Variants in JMJD1C observed in about 807,000 individuals in gnomAD.
The protein encoded by JMJD1C is jumonji domain containing 1C, also known as jumonji domain-containing protein 1C.
Under a neutral mutation model 245.3 loss-of-function variants are expected in JMJD1C, and 31 were observed. The observed-to-expected ratio is 0.13, with a 90% CI of 0.09 to 0.17. JMJD1C has a LOEUF of 0.17. Among genes scored for constraint, JMJD1C ranks in the 10% least tolerant of loss-of-function variants. The pLI is 1.00. For missense variants in JMJD1C, 2,691 were observed against 3,000.2 expected (o/e 0.90, Z 2.41); for synonymous variants, 1,057 against 1,017.4 (o/e 1.04, Z -0.74).
chr10:63,194,898 T>C (rs1023521698), intron 13 of JMJD1C, among the ~76,000 whole-genome samples: 1 of 152,224 alleles, frequency 6.6e-6, no homozygotes, highest in South Asian at 2.1e-4. Flanking sequence ...TCCCTGAAGT[T>C]GTAAAGAATT....
rs192434728 is a variant in JMJD1C, at chr10:63,371,518, T to C, written c.333+8800A>G. Among the ~76,000 whole-genome samples the C allele has an allele frequency of 2.0e-4, 31 of 152,302 alleles. No individual in the cohort carries two copies. In the East Asian group the frequency reaches 5.6e-3, roughly 27 times the overall value. ...TCTTCTAATAACATTAAACCTTTCA[T>C]TTTTTTAATCTGCAGCTCCCACCAC... On this transcript the variant is annotated intron_variant, in intron 2 of 25. Coordinates refer to ENST00000399262, the MANE Select transcript of JMJD1C (RefSeq NM_032776.3).
At chr10:63,320,890 G>C (rs553572705) in intron 2 of JMJD1C, among the ~76,000 whole-genome samples, 2 of 152,192 alleles carry the variant, frequency 1.3e-5, no homozygotes, top group South Asian at 4.1e-4. Flanking sequence ...TGTTACCAAG[G>C]GAACCAACCA....
chr10:63,185,904 C>G (rs1305120211), intron 19 of JMJD1C, among the ~76,000 whole-genome samples: 1 of 152,164 alleles, frequency 6.6e-6, no homozygotes, highest in East Asian at 1.9e-4. Flanking sequence ...ATCTTGGTAA[C>G]ATCACAATCT....
chr10:63,322,947 C>A (rs1941080081), intron 2 of JMJD1C, among the ~76,000 whole-genome samples: 1 of 149,800 alleles, frequency 6.7e-6, no homozygotes, highest in Non-Finnish European at 1.5e-5. Context: ...CGTATCTAGT[C>A]ATAAATACAG....
At chr10:63,220,312 CA>C (rs1848450984) in intron 3 of JMJD1C, among the ~76,000 whole-genome samples, 1 of 152,134 alleles carries the variant, frequency 6.6e-6, no homozygotes, top group Admixed American at 6.6e-5. Flanking sequence ...GAAATAACAT[CA>C]GGTCATTTAA....
intron 2 of JMJD1C, among the ~76,000 whole-genome samples, chr10:63,273,293 G>A (rs918902239): frequency 2.6e-5 from 4 of 152,194 alleles, no homozygotes; most frequent in African/African-American, 9.7e-5. Context: ...CTGGGCTCAA[G>A]CCATCCTCCT....
At position 63,330,546 on chromosome 10, in the gene JMJD1C, G is replaced by T. The variant is rs1942033384; in HGVS notation, c.333+49772C>A. ...ATGGCAAAAAAGGGAGAGAATCAAA[G>T]ACAGTAAGAATATATCTACACTTTC... On this transcript the variant is annotated intron_variant, in intron 2 of 25. Coordinates refer to ENST00000399262, the MANE Select transcript of JMJD1C (RefSeq NM_032776.3). Among the ~76,000 whole-genome samples the T allele has an allele frequency of 6.6e-5, 10 of 152,028 alleles. No individual in the cohort carries two copies. In the South Asian group the frequency reaches 2.1e-3, roughly 32 times the overall value.
intron 2 of JMJD1C, among the ~76,000 whole-genome samples, chr10:63,378,885 A>C (rs886722210): frequency 2.6e-5 from 4 of 152,272 alleles, no homozygotes; most frequent in African/African-American, 9.6e-5. Context: ...TTTAAAACCT[A>C]CTATGGATAA....
At chr10:63,379,577 T>C (rs1288114128) in intron 2 of JMJD1C, among the ~76,000 whole-genome samples, 2 of 152,306 alleles carry the variant, frequency 1.3e-5, no homozygotes, top group South Asian at 2.1e-4. Flanking sequence ...TCACCCACAA[T>C]GATTTACTGA....
At chr10:63,496,965 C>A (rs1589829449) in intron 1 of JMJD1C, among the ~76,000 whole-genome samples, 1 of 152,172 alleles carries the variant, frequency 6.6e-6, no homozygotes, top group Non-Finnish European at 1.5e-5. Context: ...TAAGACAGAG[C>A]CCCAGCCAAT....
At chr10:63,209,702 G>A (rs1847094805) in intron 8 of JMJD1C, among the ~76,000 whole-genome samples, 1 of 152,096 alleles carries the variant, frequency 6.6e-6, no homozygotes, top group African/African-American at 2.4e-5. Context: ...ACAATTTACT[G>A]ACAATTGGCA....
At chr10:63,277,903 A>G (rs1451775019) in intron 2 of JMJD1C, among the ~76,000 whole-genome samples, 2 of 151,386 alleles carry the variant, frequency 1.3e-5, no homozygotes, top group African/African-American at 4.9e-5. Flanking sequence ...CGCCTGTCTA[A>G]CTTTTCTATT....
At chr10:63,481,862 A>T (rs1161692761) in intron 1 of JMJD1C, among the ~76,000 whole-genome samples, 4 of 152,202 alleles carry the variant, frequency 2.6e-5, no homozygotes, top group Non-Finnish European at 5.9e-5. Context: ...CGGCAGAGAA[A>T]GAACTGTAGG....
chr10:63,387,628 A>ATTT (rs1564863555), intron 1 of JMJD1C, among the ~76,000 whole-genome samples: 15 of 18,590 alleles, frequency 8.1e-4, no homozygotes, highest in African/African-American at 1.5e-3. Context: ...AGAAAAAAAA[A>ATTT]ATTTTTTTTT....
intron 10 of JMJD1C, chr10:63,203,332 C>A: frequency 1.0e-6 from 1 of 984,012 alleles, no homozygotes; most frequent in Non-Finnish European, 1.2e-6. Flanking sequence ...CAAAAAAATA[C>A]CTAACTCAAT....
At chr10:63,205,429 T>C (rs2133127452) in intron 10 of JMJD1C, among the ~76,000 whole-genome samples, 1 of 152,220 alleles carries the variant, frequency 6.6e-6, no homozygotes, top group South Asian at 2.1e-4. Flanking sequence ...GGATCAAAAA[T>C]ACTTGGGGGA....
Position 63,213,509 on chromosome 10 carries a change from T to G in JMJD1C, c.2658A>C (p.Pro886=), listed in dbSNP as rs1456908973. The stretch of plus-strand genomic sequence containing the variant: ...AAGCTTCAGCATTAACTGCATTTTC[T>G]GGGTGAACCCACTTAGAAGAAGGCA... The part of the protein sequence containing the change: ...LGLPSSKWVH[P]ENAVNAEASL... Residue 886 remains proline, a synonymous_variant, in exon 8 of 26, where the codon CCA becomes CCC. Transcript: ENST00000399262. 3.1e-6 allele frequency: 5 copies of G among 1,604,522 alleles called. No individual in the cohort carries two copies.
At chr10:63,517,646 T>A (rs2133305318) in intron 1 of JMJD1C, among the ~76,000 whole-genome samples, 1 of 152,296 alleles carries the variant, frequency 6.6e-6, no homozygotes, top group East Asian at 1.9e-4. Context: ...AAAGAAATCA[T>A]ATCTTCTATA....
In JMJD1C at chr10:63,228,064, C is replaced by A. The variant is rs571008211; in HGVS notation, c.448-8081G>T. ...TGCAGTTAACTAAATGAAGGTACCG[C>A]TGAAGGCTTCCATGTATTTTCATGA... On this transcript the variant is annotated intron_variant, in intron 3 of 25. Coordinates refer to ENST00000399262, the MANE Select transcript of JMJD1C (RefSeq NM_032776.3). Among the ~76,000 whole-genome samples, 3 of 152,260 alleles carry A rather than the reference C, an allele frequency of 2.0e-5. No individual in the cohort carries two copies. In the South Asian group the frequency reaches 6.2e-4, roughly 32 times the overall value.
Sources: allele counts gnomAD v4.1 joint callset (sites outside exome capture counted in the v4.1 genomes callset), GRCh38; gene constraint gnomAD v4.1.1; transcripts MANE v1.5; gene names NCBI Gene and HGNC (gene_info 2026-07-23, HGNC 2026-07-21).